The following COL6A5 variants were observed in gnomAD, a reference collection of about 807,000 sequenced individuals.
COL6A5 encodes the protein collagen alpha-5(VI) chain.
A neutral mutation model predicts 65.6 loss-of-function variants in COL6A5; 48 were observed. That is an observed-to-expected ratio of 0.73 (90% CI 0.58 to 0.93). COL6A5 has a LOEUF of 0.93. Ranked by LOEUF, COL6A5 falls within the 40% of genes least tolerant of loss-of-function variation. The pLI is 0.00. For synonymous variants in COL6A5, 291 were observed against 322.8 expected (o/e 0.90, Z 1.05); for missense variants, 914 against 928.3 (o/e 0.98, Z 0.20).
chr3:130,414,287 C>G (rs1221701794), intron 22 of COL6A5, among the ~76,000 whole-genome samples, 156 bp downstream of exon 22: 1 of 152,114 alleles, frequency 6.6e-6, no homozygotes, highest in Non-Finnish European at 1.5e-5. Context: ...TTCATTCCAT[C>G]AAACTTGCTT....
intron 5 of COL6A5, among the ~76,000 whole-genome samples, chr3:130,458,506 G>A (rs1709627927): frequency 2.0e-5 from 3 of 152,120 alleles, no homozygotes; most frequent in Admixed American, 2.0e-4. Flanking sequence ...AATTCTGGGA[G>A]CAGGACTCAG....
chr3:130,461,013 C>T (rs1211526434), intron 5 of COL6A5, among the ~76,000 whole-genome samples: 1 of 151,934 alleles, frequency 6.6e-6, no homozygotes, highest in Non-Finnish European at 1.5e-5. Flanking sequence ...TATGAAAAGA[C>T]TCTTAAATTT....
intron 8 of COL6A5, among the ~76,000 whole-genome samples, chr3:130,396,925 C>G (rs1407990648): frequency 6.6e-6 from 1 of 152,160 alleles, no homozygotes; most frequent in Non-Finnish European, 1.5e-5. Context: ...TGCAGTGGCA[C>G]GATCTCGGCT....
rs1042737549 is a variant in COL6A5, at chr3:130,391,196, C to T, written c.2434C>T (p.Leu812=). The change falls in exon 7 of 42, where the codon CTA becomes TTA. Residue 812 remains leucine (L), a synonymous_variant and NMD_transcript_variant. Coordinates refer to the COL6A5 transcript ENST00000312481. ...TCTTTCAGATTGTAAAAGGATTACA[C>T]TACTAGACGTTGTGTTTGTGCTGGA... The T allele has an allele frequency of 3.9e-6, 6 of 1,550,682 alleles. No individual in the cohort carries two copies. The African/African-American group carries it at 8.2e-5, about 21-fold the overall frequency.
At position 130,379,408 on chromosome 3, in the gene COL6A5, G is replaced by T. The variant is rs1447071681; in HGVS notation, c.668-10G>T. 6.5e-7 allele frequency: 1 copy of T among 1,546,254 alleles called. No individual in the cohort carries two copies. The highest frequency in any genetic ancestry group is 8.7e-7 in the Non-Finnish European group (1 of 1,143,982). On this transcript the variant is annotated splice_polypyrimidine_tract_variant and intron_variant and NMD_transcript_variant, in intron 3 of 41. Transcript: ENST00000312481. Reference sequence around the variant, plus strand: ...TTATACTAATCCTCACACATTTTCTGTCTGCATAGTTCACTTCCCCATATC... The same window carrying T: ...TTATACTAATCCTCACACATTTTCTTTCTGCATAGTTCACTTCCCCATATC...
intron 1 of COL6A5, among the ~76,000 whole-genome samples, chr3:130,363,464 C>T (rs1935214462): frequency 6.6e-6 from 1 of 152,150 alleles, no homozygotes. Context: ...TCCTCTCTTC[C>T]ACCACTCTTG....
intron 1 of COL6A5, among the ~76,000 whole-genome samples, chr3:130,361,612 A>G (rs1935108618): frequency 6.6e-6 from 1 of 152,082 alleles, no homozygotes; most frequent in African/African-American, 2.4e-5. Flanking sequence ...GCTGGATTGT[A>G]TGGGATGAAT....
At chr3:130,450,275 A>G (rs1709402150) in intron 4 of COL6A5, among the ~76,000 whole-genome samples, 1 of 152,096 alleles carries the variant, frequency 6.6e-6, no homozygotes, top group African/African-American at 2.4e-5. Context: ...GTTTCCATCT[A>G]TATCATACTT....
intron 5 of COL6A5, among the ~76,000 whole-genome samples, chr3:130,460,311 A>T (rs1388258650): frequency 6.6e-6 from 1 of 152,122 alleles, no homozygotes; most frequent in Admixed American, 6.6e-5. Flanking sequence ...CCATTACCTC[A>T]TTTTAAGCTG....
At chr3:130,397,592 T>G in exon 9 of COL6A5, 1 of 1,549,174 alleles carries the variant, frequency 6.5e-7, no homozygotes, top group Non-Finnish European at 8.7e-7. Context: ...GATTGCTTTA[T>G]GGACATAGTG....
At chr3:130,427,887 T>C (rs1497303), upstream of COL6A5, among the ~76,000 whole-genome samples, 125,707 of 151,796 alleles carry the variant, frequency 0.83, 52,895 homozygotes, top group East Asian at 0.9. Context: ...AGGGAGGAGA[T>C]AGTGGGAAAG....
intron 27 of COL6A5, among the ~76,000 whole-genome samples, chr3:130,421,575 T>G (rs1008829693): frequency 2.0e-5 from 3 of 152,138 alleles, no homozygotes; most frequent in African/African-American, 7.2e-5. Context: ...TGCCTCTGCC[T>G]TGAAAGCCTA....
At chr3:130,409,188 G>T in intron 17 of COL6A5, 138 bp from the exon 18 acceptor site, 1 of 595,246 alleles carries the variant, frequency 1.7e-6, no homozygotes, top group African/African-American at 1.9e-5. Flanking sequence ...TACTGCTTGA[G>T]AAGTCTGAGG....
chr3:130,456,446 A>G (rs1034268864), intron 5 of COL6A5, among the ~76,000 whole-genome samples: 2 of 152,100 alleles, frequency 1.3e-5, no homozygotes, highest in Admixed American at 1.3e-4. Flanking sequence ...AAAATAACCA[A>G]AAGAGTATAA....
chr3:130,428,829 A>C (rs16827679), upstream of COL6A5, among the ~76,000 whole-genome samples: 3,380 of 152,312 alleles, frequency 0.022, 77 homozygotes, highest in East Asian at 0.09. Flanking sequence ...CCACTGTTGC[A>C]CGACAGCAAG....
intron 2 of COL6A5, 103 bp from the exon 3 acceptor site, chr3:130,376,134 G>A: frequency 8.3e-7 from 1 of 1,197,970 alleles, no homozygotes; most frequent in Middle Eastern, 2.1e-4. Flanking sequence ...TTGGGATTCT[G>A]ATATACACTT....
intron 1 of COL6A5, among the ~76,000 whole-genome samples, chr3:130,355,408 C>G (rs1934887018): frequency 6.6e-6 from 1 of 151,984 alleles, no homozygotes; most frequent in Non-Finnish European, 1.5e-5. Context: ...GAAAAGTAAG[C>G]AGACTAATTT....
chr3:130,437,881 T>C (rs1439905448), intron 1 of COL6A5, among the ~76,000 whole-genome samples: 1 of 152,218 alleles, frequency 6.6e-6, no homozygotes, highest in Non-Finnish European at 1.5e-5. Flanking sequence ...CTGCTTTGTT[T>C]TTTTTCTATA....
intron 7 of COL6A5, among the ~76,000 whole-genome samples, chr3:130,476,138 C>T (rs1710090970): frequency 6.6e-6 from 1 of 151,990 alleles, no homozygotes; most frequent in Non-Finnish European, 1.5e-5. Flanking sequence ...GGCTGGAAGC[C>T]CAAGCAAGGT....
Sources: allele counts gnomAD v4.1 joint callset (sites outside exome capture counted in the v4.1 genomes callset), GRCh38; gene constraint gnomAD v4.1.1; transcripts MANE v1.5; gene names NCBI Gene and HGNC (gene_info 2026-07-23, HGNC 2026-07-21).